Variants in ADGRL2 observed in about 807,000 individuals in gnomAD.
The protein encoded by ADGRL2 is adhesion G protein-coupled receptor L2.
A neutral mutation model predicts 157.4 loss-of-function variants in ADGRL2; 44 were observed. The observed-to-expected ratio is 0.28, with a 90% CI of 0.22 to 0.36. The LOEUF is 0.36. Among genes scored for constraint, ADGRL2 ranks in the 10% least tolerant of loss-of-function variants. ADGRL2 has a pLI of 1.00. For synonymous variants in ADGRL2, 585 were observed against 624.7 expected (o/e 0.94, Z 0.95); for missense variants, 1,510 against 1,768.9 (o/e 0.85, Z 2.63).
chr1:81,817,917 C>T (rs1348650149), intron 1 of ADGRL2, among the ~76,000 whole-genome samples: 4 of 151,880 alleles, frequency 2.6e-5, no homozygotes, highest in Non-Finnish European at 4.4e-5. Flanking sequence ...ATAATCCCAG[C>T]GCCATAGAGG....
rs899010780 is a variant in ADGRL2, at chr1:81,645,500, C to A, written c.-143+64520C>A. ...TTATTCCTCAATTACTACCTTCAAT[C>A]CCAGAGGTAGAGGCCATCATCATTA... On this transcript the variant is annotated intron_variant, in intron 3 of 24. Coordinates refer to the ADGRL2 transcript ENST00000370721. 7.2e-5 allele frequency among the ~76,000 whole-genome samples: 11 copies of A among 152,074 alleles called. No homozygotes were observed. The East Asian group carries it at 1.9e-3, about 27-fold the overall frequency.
intron 1 of ADGRL2, among the ~76,000 whole-genome samples, chr1:81,364,294 C>A (rs563586467): frequency 6.6e-6 from 1 of 151,806 alleles, no homozygotes; most frequent in Non-Finnish European, 1.5e-5. Flanking sequence ...TGTGTTATGA[C>A]CAATTTCCTG....
At chr1:81,854,556 T>C (rs1557779431) in intron 2 of ADGRL2, among the ~76,000 whole-genome samples, 1 of 152,170 alleles carries the variant, frequency 6.6e-6, no homozygotes. Context: ...TGCTTAGAAA[T>C]GAAATGTTTA....
chr1:81,704,743 T>C (rs2083679120), intron 1 of ADGRL2, among the ~76,000 whole-genome samples: 1 of 152,246 alleles, frequency 6.6e-6, no homozygotes. Flanking sequence ...CTCACCTTAA[T>C]TCAAAACCAA....
upstream of ADGRL2, among the ~76,000 whole-genome samples, chr1:81,697,254 C>T (rs1289834718): frequency 6.6e-6 from 1 of 152,156 alleles, no homozygotes; most frequent in Non-Finnish European, 1.5e-5. Context: ...ATTCCCTAAA[C>T]TGTAATAAGG....
chr1:81,421,516 G>A (rs2077124314), intron 1 of ADGRL2, among the ~76,000 whole-genome samples: 1 of 152,144 alleles, frequency 6.6e-6, no homozygotes, highest in East Asian at 1.9e-4. Flanking sequence ...ATAACTGCAA[G>A]CAGTTACCAT....
intron 23 of ADGRL2, chr1:81,990,082 A>C (rs1664272829): frequency 9.1e-6 from 9 of 984,960 alleles, no homozygotes; most frequent in Non-Finnish European, 1.1e-5. Flanking sequence ...CATGGAGTGA[A>C]GTCTTCTTTG....
At position 81,387,897 on chromosome 1, in the gene ADGRL2, A is replaced by G. The variant is rs114432466; in HGVS notation, c.-301-57139A>G. Among the ~76,000 whole-genome samples, 642 of 152,148 alleles carry G rather than the reference A, an allele frequency of 4.2e-3. 4 individuals carry two copies. The highest frequency in any genetic ancestry group is 6.2e-3 in the Non-Finnish European group (424 of 67,982). On this transcript the variant is annotated intron_variant, in intron 1 of 24. Coordinates refer to the ADGRL2 transcript ENST00000370721. ...AACACATACTAGAATTCTTCATTCT[A>G]TGCTCTGTATTTTTACCTTTTCCTC... is the stretch of plus-strand genomic sequence containing the variant.
At chr1:81,883,157 T>G (rs2151258805) in intron 2 of ADGRL2, among the ~76,000 whole-genome samples, 1 of 152,302 alleles carries the variant, frequency 6.6e-6, no homozygotes, top group Non-Finnish European at 1.5e-5. Context: ...ATTTTGGGGG[T>G]ATGTTTCTTT....
chr1:81,655,246 C>G (rs955277967), intron 3 of ADGRL2, among the ~76,000 whole-genome samples: 4 of 152,144 alleles, frequency 2.6e-5, no homozygotes, highest in African/African-American at 9.7e-5. Context: ...GTGATCCGCC[C>G]GCCTCGGCCT....
chr1:81,789,080 A>T (rs531213269), intron 2 of ADGRL2, among the ~76,000 whole-genome samples: 26 of 152,302 alleles, frequency 1.7e-4, no homozygotes, highest in African/African-American at 5.8e-4. Flanking sequence ...AGATTAAAAA[A>T]TGAAACAAAA....
intron 3 of ADGRL2, among the ~76,000 whole-genome samples, chr1:81,640,337 A>G (rs1196944625): frequency 6.6e-6 from 1 of 152,046 alleles, no homozygotes; most frequent in East Asian, 1.9e-4. Flanking sequence ...AGAAATTGTC[A>G]AATAAAAAAT....
chr1:81,971,247 A>G (rs1196487447), intron 16 of ADGRL2, among the ~76,000 whole-genome samples: 1 of 152,188 alleles, frequency 6.6e-6, no homozygotes, highest in African/African-American at 2.4e-5. Flanking sequence ...ATTCCATGTT[A>G]TATGAAAAAT....
chr1:81,689,725 T>C (rs1367340742), intron 3 of ADGRL2, among the ~76,000 whole-genome samples: 1 of 152,172 alleles, frequency 6.6e-6, no homozygotes, highest in African/African-American at 2.4e-5. Flanking sequence ...AATTGGCTCC[T>C]GTGAGTGGAA....
chr1:81,988,766 A>AT (rs535287933), intron 23 of ADGRL2, among the ~76,000 whole-genome samples: 1,770 of 150,336 alleles, frequency 0.012, 15 homozygotes, highest in Admixed American at 0.018. Context: ...TGATACAGAT[A>AT]TTTTTTTTTT....
At chr1:81,917,619 T>G (rs1032385248) in intron 3 of ADGRL2, among the ~76,000 whole-genome samples, 1 of 152,198 alleles carries the variant, frequency 6.6e-6, no homozygotes, top group African/African-American at 2.4e-5. Context: ...CTCTCAAAAT[T>G]TGTTAACATG....
intron 3 of ADGRL2, among the ~76,000 whole-genome samples, chr1:81,921,983 T>C (rs1175711385): frequency 1.3e-5 from 2 of 152,322 alleles, no homozygotes; most frequent in East Asian, 1.9e-4. Context: ...CTGATGTTTA[T>C]GGAGTTAATA....
intron 2 of ADGRL2, among the ~76,000 whole-genome samples, chr1:81,494,306 G>T (rs77144498): frequency 0.018 from 2,777 of 152,064 alleles, 74 homozygotes; most frequent in East Asian, 0.13. Flanking sequence ...TTTAAAATCT[G>T]GTCTATACTC....
At chr1:81,463,123 A>G (rs1009098511) in intron 2 of ADGRL2, among the ~76,000 whole-genome samples, 29 of 148,504 alleles carry the variant, frequency 2.0e-4, no homozygotes, top group African/African-American at 5.6e-4. Context: ...TCAAAAAAAA[A>G]AAAAAAAAAA....
Sources: allele counts gnomAD v4.1 joint callset (sites outside exome capture counted in the v4.1 genomes callset), GRCh38; gene constraint gnomAD v4.1.1; transcripts MANE v1.5; gene names NCBI Gene and HGNC (gene_info 2026-07-23, HGNC 2026-07-21).